The following ACSL1 variants were observed in gnomAD, a reference collection of about 807,000 sequenced individuals.
ACSL1 encodes long-chain-fatty-acid--CoA ligase 1.
ACSL1 carries 41 observed loss-of-function variants against 98.4 expected under a neutral mutation model. That is an observed-to-expected ratio of 0.42 (90% CI 0.32 to 0.54). The LOEUF (loss-of-function observed/expected upper bound fraction) is 0.54, where lower values mean the gene tolerates loss of function less well. Among genes scored for constraint, ACSL1 ranks in the 20% least tolerant of loss-of-function variants. The pLI, the probability that ACSL1 is intolerant of heterozygous loss-of-function variation, is 0.13. For synonymous variants in ACSL1, 316 were observed against 322.7 expected (o/e 0.98, Z 0.22); for missense variants, 734 against 883.1 (o/e 0.83, Z 2.14).
chr4:184,786,449 C>T (rs1039905655), intron 3 of ACSL1, among the ~76,000 whole-genome samples: 1 of 148,714 alleles, frequency 6.7e-6, no homozygotes, highest in Non-Finnish European at 1.5e-5. Flanking sequence ...CACACACACA[C>T]ACACACACAC....
intron 1 of ACSL1, chr4:184,808,232 C>T: frequency 2.3e-6 from 2 of 851,644 alleles, no homozygotes; most frequent in Non-Finnish European, 2.8e-6. Flanking sequence ...GATACACATA[C>T]ACAAACATAC....
chr4:184,764,989 C>A, intron 14 of ACSL1, 64 bp from the exon 15 acceptor site: 2 of 1,523,270 alleles, frequency 1.3e-6, no homozygotes, highest in South Asian at 1.2e-5. Context: ...TGGAAGTGCA[C>A]AAGCAATGAA....
intron 2 of ACSL1, among the ~76,000 whole-genome samples, chr4:184,794,203 A>AAC (rs10673308): frequency 0.14 from 21,785 of 152,130 alleles, 1,723 homozygotes; most frequent in African/African-American, 0.19. Context: ...TCTTTTTGTA[A>AAC]AGACACAAAA....
chr4:184,793,196 A>T (rs907720928), intron 2 of ACSL1, among the ~76,000 whole-genome samples: 2 of 43,520 alleles, frequency 4.6e-5, no homozygotes, highest in African/African-American at 1.7e-4. Flanking sequence ...TTCCCAGTTA[A>T]AAAAAAAAAA....
At chr4:184,795,500 G>A (rs1000469265) in intron 2 of ACSL1, among the ~76,000 whole-genome samples, 14 of 152,130 alleles carry the variant, frequency 9.2e-5, no homozygotes, top group African/African-American at 2.9e-4. Flanking sequence ...AAGAGAGCCC[G>A]GAAATAGTTT....
At position 184,789,546 on chromosome 4, in the gene ACSL1, T is replaced by C. The variant is rs140354871; in HGVS notation, c.196-815A>G. 1.4e-3 allele frequency among the ~76,000 whole-genome samples: 218 copies of C among 152,380 alleles called. 2 individuals carry two copies. The South Asian group carries it at 0.024, about 17-fold the overall frequency. On this transcript the variant is annotated intron_variant, in intron 2 of 20. Coordinates refer to ENST00000281455, the MANE Select transcript of ACSL1 (RefSeq NM_001995.5). ...TTAAAATCATCAGCTACAAAACATA[T>C]GCATGTGCAGACACAGGTCTTTATT...
chr4:184,808,084 G>GT (rs1771656697), intron 1 of ACSL1, among the ~76,000 whole-genome samples: 1 of 152,106 alleles, frequency 6.6e-6, no homozygotes, highest in Admixed American at 6.5e-5. Context: ...AGCATTTATT[G>GT]TATCACCCTG....
intron 10 of ACSL1, among the ~76,000 whole-genome samples, chr4:184,772,310 C>G (rs916565183): frequency 3.3e-5 from 5 of 152,182 alleles, no homozygotes; most frequent in Non-Finnish European, 4.4e-5. Flanking sequence ...AGCCACCAAA[C>G]ATGTCCATTC....
chr4:184,776,963 T>A lies in ACSL1; in HGVS notation c.498A>T (p.Gly166=). The A allele has an allele frequency of 6.2e-7, 1 of 1,614,132 alleles. No individual in the cohort carries two copies. The change falls in exon 6 of 21, where the codon GGA becomes GGT. Residue 166 remains glycine, a synonymous_variant. Coordinates refer to ENST00000281455, the MANE Select transcript of ACSL1 (RefSeq NM_001995.5). ...NRPEWVIIEQ[G]CFAYSMVIVP... ...CGATCACCATCGAATAAGCAAAGCA[T>A]CCTTGTTCAATAATCACCCACTAAA...
At chr4:184,806,062 A>G (rs575601078) in intron 1 of ACSL1, among the ~76,000 whole-genome samples, 4 of 152,338 alleles carry the variant, frequency 2.6e-5, no homozygotes, top group African/African-American at 9.6e-5. Flanking sequence ...CCGTCACTGC[A>G]TATCTGAGCA....
intron 1 of ACSL1, among the ~76,000 whole-genome samples, chr4:184,820,013 A>G (rs1435520282): frequency 6.6e-6 from 1 of 152,090 alleles, no homozygotes. Context: ...CAAGGGCAAT[A>G]CCGACGTCCA....
chr4:184,769,515 C>A (rs1764171395), intron 11 of ACSL1, among the ~76,000 whole-genome samples: 1 of 152,174 alleles, frequency 6.6e-6, no homozygotes, highest in Non-Finnish European at 1.5e-5. Flanking sequence ...GCCTTCTAGG[C>A]ACACCTCTAA....
intron 3 of ACSL1, among the ~76,000 whole-genome samples, chr4:184,786,842 C>A (rs941593345): frequency 2.0e-5 from 3 of 152,092 alleles, no homozygotes; most frequent in Non-Finnish European, 4.4e-5. Flanking sequence ...TACAGACATG[C>A]ACCACCATGC....
intron 1 of ACSL1, chr4:184,812,175 G>A (rs1258136452): frequency 2.4e-5 from 24 of 984,896 alleles, no homozygotes; most frequent in Non-Finnish European, 2.8e-5. Context: ...ATGGTACTTA[G>A]TACCTATGTA....
chr4:184,764,016 AT>A (rs1317431789), intron 15 of ACSL1, among the ~76,000 whole-genome samples: 2 of 152,208 alleles, frequency 1.3e-5, no homozygotes, highest in African/African-American at 4.8e-5. Flanking sequence ...CAGGACAATG[AT>A]GTTAGTGGAC....
chr4:184,815,320 G>A (rs1375169539), intron 1 of ACSL1, among the ~76,000 whole-genome samples: 4 of 152,134 alleles, frequency 2.6e-5, no homozygotes, highest in South Asian at 4.1e-4. Context: ...CTGGGGACTC[G>A]CAGCCGCATT....
chr4:184,766,584 G>A lies in ACSL1; in HGVS notation c.1263+38C>T, dbSNP rs116663524. 38 of 1,592,388 alleles carry A rather than the reference G, an allele frequency of 2.4e-5. No individual in the cohort carries two copies. Among genetic ancestry groups the A allele is most frequent in the Non-Finnish European group, 3.3e-5 (38 of 1,163,898 alleles). ...TCCCAGAACTCTGAAAAGCGAAGTC[G>A]GTTTCCATGGGAGCAGTGGCTGTGA... On this transcript the variant is annotated intron_variant, in intron 13 of 20. Transcript: ENST00000281455. This position sits in a 1 kb window ranked among gnomAD's most constrained non-coding sequence, Gnocchi z 4.8.
chr4:184,825,123 T>A lies in ACSL1; in HGVS notation c.-33+793A>T. On this transcript the variant is annotated intron_variant, in intron 1 of 20. Transcript: ENST00000281455. The surrounding 1 kb of genome is among the most constrained non-coding windows in gnomAD (Gnocchi z 4.7). ...TTAATTATGCTCCATAACCTTGAAA[T>A]TGGACTGAGTGGGGAAGGGGTTTCC... 1.1e-6 allele frequency: 1 copy of A among 949,440 alleles called. No individual in the cohort carries two copies. Among genetic ancestry groups the A allele is most frequent in the South Asian group, 4.9e-5 (1 of 20,526 alleles). 58.8% of individuals were successfully genotyped at this position (949,440 alleles called of 1,614,324 possible). A position where few individuals can be genotyped will look rare whatever the true frequency, so the allele number is the denominator to read the frequency against.
chr4:184,775,084 CA>C (rs1206028764), intron 7 of ACSL1, among the ~76,000 whole-genome samples: 1 of 152,154 alleles, frequency 6.6e-6, no homozygotes, highest in African/African-American at 2.4e-5. Flanking sequence ...CAAATTAGTG[CA>C]CTGTTGCCGC....
Sources: gnomAD v4.1 joint callset for allele counts (sites outside exome capture counted in the v4.1 genomes callset) on GRCh38, gnomAD v4.1.1 for gene constraint, Gnocchi (gnomAD v3.1) non-coding constraint, MANE v1.5 for transcripts, NCBI Gene and HGNC (gene_info 2026-07-23, HGNC 2026-07-21) for gene names.